The following MYO3B variants were observed in gnomAD, a reference collection of about 807,000 sequenced individuals.
The protein encoded by MYO3B is myosin-IIIb.
A neutral mutation model predicts 174.6 loss-of-function variants in MYO3B; 156 were observed. The ratio of observed to expected loss-of-function variants is 0.89; its 90% CI spans 0.78 to 1.02. The LOEUF (loss-of-function observed/expected upper bound fraction) is 1.02. MYO3B is among the 50% of genes least tolerant of loss of function. The probability of loss-of-function intolerance (pLI) is 0.00; values close to 1 mark genes in which losing one functional copy is unlikely to be tolerated. For synonymous variants in MYO3B, 563 were observed against 569.1 expected (o/e 0.99, Z 0.15); for missense variants, 1,632 against 1,639.4 (o/e 1.00, Z 0.08).
chr2:170,213,796 G>C (rs1490990727), intron 3 of MYO3B, among the ~76,000 whole-genome samples: 1 of 152,166 alleles, frequency 6.6e-6, no homozygotes, highest in East Asian at 1.9e-4. Flanking sequence ...ACATTAAAAA[G>C]TTAATAAATG....
intron 30 of MYO3B, among the ~76,000 whole-genome samples, chr2:170,528,692 A>G (rs1182324289): frequency 6.6e-6 from 1 of 152,170 alleles, no homozygotes; most frequent in Non-Finnish European, 1.5e-5. Flanking sequence ...ATGCATGAGA[A>G]ACTGTGCCCA....
rs186745058 is a variant in MYO3B at position 170,313,080 on chromosome 2, T to C, written c.750-22305T>C. ...GCATTGCCCCTTCTTCTACTCCCAG[T>C]AATTGGCATTCCTGCTTTCTAAATT... On this transcript the variant is annotated intron_variant, in intron 7 of 34. Transcript: ENST00000408978. Among the ~76,000 whole-genome samples the C allele has an allele frequency of 5.3e-5, 8 of 152,364 alleles. 1 individual carries two copies. The highest frequency in any genetic ancestry group is 1.4e-4 in the African/African-American group (6 of 41,588).
intron 32 of MYO3B, among the ~76,000 whole-genome samples, chr2:170,555,085 A>G (rs1024714864): frequency 2.0e-5 from 3 of 152,042 alleles, no homozygotes; most frequent in Non-Finnish European, 4.4e-5. Flanking sequence ...AGAATAATAA[A>G]TTTGTTTGCG....
chr2:170,218,392 A>G (rs2092854079), intron 6 of MYO3B, among the ~76,000 whole-genome samples: 1 of 141,630 alleles, frequency 7.1e-6, no homozygotes, highest in East Asian at 2.1e-4. Flanking sequence ...TTATTTGCAG[A>G]AGTATAAAAC....
At chr2:170,339,023 G>A (rs922093207) in intron 8 of MYO3B, among the ~76,000 whole-genome samples, 4 of 152,164 alleles carry the variant, frequency 2.6e-5, no homozygotes, top group African/African-American at 9.7e-5. Flanking sequence ...CTCTAATTCA[G>A]TATAAACAAT....
At chr2:170,401,776 T>G in intron 18 of MYO3B, 85 bp downstream of exon 18, 15 of 1,159,248 alleles carry the variant, frequency 1.3e-5, no homozygotes, top group Admixed American at 2.2e-5. Flanking sequence ...AAGCATTTGG[T>G]CCTCTCTGGG....
chr2:170,301,189 G>T (rs189400119), intron 7 of MYO3B, among the ~76,000 whole-genome samples: 7 of 152,310 alleles, frequency 4.6e-5, no homozygotes, highest in Admixed American at 4.6e-4. Context: ...ATGACCACAG[G>T]ATCCTGAGTT....
At chr2:170,624,813 A>T (rs138829747) in intron 32 of MYO3B, among the ~76,000 whole-genome samples, 3 of 152,154 alleles carry the variant, frequency 2.0e-5, no homozygotes, top group East Asian at 3.8e-4. Flanking sequence ...TTCTGCATCT[A>T]TTGAGATAAT....
At chr2:170,455,326 G>C (rs1683847528) in intron 23 of MYO3B, among the ~76,000 whole-genome samples, 1 of 152,188 alleles carries the variant, frequency 6.6e-6, no homozygotes, top group East Asian at 1.9e-4. Flanking sequence ...GAGGTTAGAA[G>C]CAAGATGGAG....
chr2:170,603,301 G>A (rs950856884), intron 32 of MYO3B, among the ~76,000 whole-genome samples: 4 of 151,994 alleles, frequency 2.6e-5, no homozygotes, highest in African/African-American at 7.2e-5. Context: ...CCATATAAGT[G>A]TGAAGGAAAG....
chr2:170,207,132 A>G (rs1157586860), intron 3 of MYO3B, among the ~76,000 whole-genome samples: 1 of 152,134 alleles, frequency 6.6e-6, no homozygotes, highest in Non-Finnish European at 1.5e-5. Flanking sequence ...GAAGAGGATC[A>G]TAAGAAACTG....
At chr2:170,490,028 C>CTTTTTTTTTTTTTTTTTTTTTTTTTT (rs751661221) in intron 25 of MYO3B, among the ~76,000 whole-genome samples, 1 of 145,890 alleles carries the variant, frequency 6.9e-6, no homozygotes, top group African/African-American at 2.6e-5. Context: ...AGTTTCTTTT[C>CTTTTTTTTTTTTTTTTTTTTTTTTTT]TTTCTTTTTT....
chr2:170,364,649 C>T (rs2105661411), intron 8 of MYO3B, among the ~76,000 whole-genome samples: 1 of 152,232 alleles, frequency 6.6e-6, no homozygotes, highest in Non-Finnish European at 1.5e-5. Flanking sequence ...TTCTCCAAAT[C>T]AGGTTAAAGG....
intron 7 of MYO3B, among the ~76,000 whole-genome samples, chr2:170,326,692 T>C (rs2093871291): frequency 6.6e-6 from 1 of 152,096 alleles, no homozygotes; most frequent in Non-Finnish European, 1.5e-5. Context: ...GAGAGTACAG[T>C]AGAGGGAAAG....
At chr2:170,425,435 T>C (rs1049696628) in intron 22 of MYO3B, among the ~76,000 whole-genome samples, 1 of 152,252 alleles carries the variant, frequency 6.6e-6, no homozygotes, top group South Asian at 2.1e-4. Flanking sequence ...GTTGCTTAAC[T>C]GAACTTGAGA....
At chr2:170,580,925 T>C (rs1403740194) in intron 32 of MYO3B, among the ~76,000 whole-genome samples, 1 of 152,012 alleles carries the variant, frequency 6.6e-6, no homozygotes, top group African/African-American at 2.4e-5. Flanking sequence ...CTCTTTTTTA[T>C]TGTCATTTTG....
rs372640591 is a variant in MYO3B, at chr2:170,624,067, G to T, written c.3734-27561G>T. Among the ~76,000 whole-genome samples, 336 of 152,208 alleles carry T rather than the reference G, an allele frequency of 2.2e-3. 15 individuals are homozygous for T. In the South Asian group the frequency reaches 0.066, roughly 30 times the overall value. On this transcript the variant is annotated intron_variant, in intron 32 of 34. Transcript: ENST00000408978. Reference sequence around the variant, plus strand: ...ACTTGGCAATGTGGGCTCTTTTTTGGTTCCATATGAACTTTAAAGTAGTTT... The same window carrying T: ...ACTTGGCAATGTGGGCTCTTTTTTGTTTCCATATGAACTTTAAAGTAGTTT...
chr2:170,305,700 A>G (rs1204715113), intron 7 of MYO3B, among the ~76,000 whole-genome samples: 3 of 151,962 alleles, frequency 2.0e-5, no homozygotes, highest in Non-Finnish European at 4.4e-5. Context: ...ACTACCCCAA[A>G]CCTTTTTGTT....
At chr2:170,300,998 G>A (rs2093661896) in intron 7 of MYO3B, among the ~76,000 whole-genome samples, 1 of 152,188 alleles carries the variant, frequency 6.6e-6, no homozygotes. Flanking sequence ...CCAGCATGTA[G>A]GCACATCAGA....
Sources: allele counts gnomAD v4.1 joint callset (sites outside exome capture counted in the v4.1 genomes callset), GRCh38; gene constraint gnomAD v4.1.1; transcripts MANE v1.5; gene names NCBI Gene and HGNC (gene_info 2026-07-23, HGNC 2026-07-21).